MMP26: variants seen among roughly 807,000 people sequenced by gnomAD.
MMP26 encodes matrix metallopeptidase 26.
MMP26 carries 33 observed loss-of-function variants against 31.0 expected under a neutral mutation model. That is an observed-to-expected ratio of 1.06 (90% CI 0.81 to 1.42). The LOEUF (loss-of-function observed/expected upper bound fraction) is 1.42, where lower values mean the gene tolerates loss of function less well. Among genes scored for constraint, MMP26 ranks in the 40% most tolerant of loss-of-function variants. MMP26 has a pLI of 0.00. For synonymous variants in MMP26, 122 were observed against 114.9 expected, an observed-to-expected ratio of 1.06 and a Z score of -0.40; for missense variants, 347 against 316.1, an observed-to-expected ratio of 1.10 and a Z score of -0.74.
At chr11:4,934,249 CTT>C (rs1851397843) in intron 2 of MMP26, among the ~76,000 whole-genome samples, 2 of 150,574 alleles carry the variant, frequency 1.3e-5, no homozygotes, top group South Asian at 4.2e-4. Flanking sequence ...TTTCCTGACT[CTT>C]TAATGATTGC....
At chr11:4,818,096 C>T (rs1833885811) in intron 2 of MMP26, among the ~76,000 whole-genome samples, 1 of 152,176 alleles carries the variant, frequency 6.6e-6, no homozygotes, top group Non-Finnish European at 1.5e-5. Context: ...CTCAGAGTGA[C>T]AGGCTTAGAC....
At chr11:4,712,896 TC>T (rs1847880223) in intron 1 of MMP26, among the ~76,000 whole-genome samples, 1 of 152,098 alleles carries the variant, frequency 6.6e-6, no homozygotes, top group Non-Finnish European at 1.5e-5. Context: ...AATACTATGG[TC>T]TATACATTTT....
In MMP26 at chr11:4,946,211, G is replaced by A. The variant is rs1173193869; in HGVS notation, c.-144-41857G>A. On this transcript the variant is annotated intron_variant, in intron 2 of 7. Coordinates refer to ENST00000380390, the MANE Select transcript of MMP26 (RefSeq NM_021801.5). Reference sequence around the variant, plus strand: ...TACAACTCTCACTCTAATCTGTTTAGTTTTTACACAATAAACAATTGGGTT... The same window carrying A: ...TACAACTCTCACTCTAATCTGTTTAATTTTTACACAATAAACAATTGGGTT... 1.9e-6 allele frequency: 3 copies of A among 1,613,852 alleles called. No homozygotes were observed. In the African/African-American group the frequency reaches 4.0e-5, roughly 22 times the overall value.
chr11:4,757,118 A>G (rs995597020), intron 1 of MMP26, among the ~76,000 whole-genome samples: 1 of 152,166 alleles, frequency 6.6e-6, no homozygotes, highest in African/African-American at 2.4e-5. Context: ...GACACATAGC[A>G]TGAGGACAGT....
At chr11:4,973,962 G>C (rs1040265406) in intron 2 of MMP26, 1 of 151,948 alleles carries the variant, frequency 6.6e-6, no homozygotes, top group African/African-American at 2.4e-5. Flanking sequence ...TCAAATGCCT[G>C]GCTCTATCCT....
At position 4,992,001 on chromosome 11, in the gene MMP26, G is replaced by A; in HGVS notation, c.633G>A (p.Gly211=). ...NLFLVATHEI[G]HSLGLQHSGN... ...TCCTGGTTGCAACTCATGAGATTGG[G>A]CATTCTTTGGGCCTGCAGCACTCTG... Residue 211 remains glycine, a synonymous_variant, in exon 7 of 8, where the codon GGG becomes GGA. Transcript: ENST00000380390. 2 of 1,609,932 alleles carry A rather than the reference G, an allele frequency of 1.2e-6. No individual in the cohort carries two copies. The highest frequency in any genetic ancestry group is 1.7e-4 in the Middle Eastern group (1 of 6,040).
chr11:4,826,264 T>A (rs972312440), intron 2 of MMP26, among the ~76,000 whole-genome samples: 1 of 152,108 alleles, frequency 6.6e-6, no homozygotes, highest in African/African-American at 2.4e-5. Context: ...AAGACTGTTC[T>A]TTCTAGGAGT....
chr11:4,989,733 A>G lies in MMP26; in HGVS notation c.185A>G (p.His62Arg). The G allele has an allele frequency of 6.2e-7, 1 of 1,613,970 alleles. No homozygotes were observed. The highest frequency in any genetic ancestry group is 1.1e-5 in the South Asian group (1 of 91,076). The change falls in exon 4 of 8, where the codon CAT becomes CGT. Residue 62 changes from histidine to arginine, a missense_variant. Transcript: ENST00000380390. ...ETQTQLLQQF[H>R]RNGTDLLDMQ... Reference sequence around the variant, plus strand: ...CAAACACAGCTCCTGCAACAATTCCATCGGAATGGGACAGACCTACTTGAC... The same window carrying G: ...CAAACACAGCTCCTGCAACAATTCCGTCGGAATGGGACAGACCTACTTGAC...
At chr11:4,766,579 T>C (rs1318943002) in intron 1 of MMP26, among the ~76,000 whole-genome samples, 1 of 151,926 alleles carries the variant, frequency 6.6e-6, no homozygotes, top group Non-Finnish European at 1.5e-5. Flanking sequence ...GTTGCTACAA[T>C]AAAAAGTGAT....
At chr11:4,914,867 A>G in intron 2 of MMP26, 2 of 1,614,134 alleles carry the variant, frequency 1.2e-6, no homozygotes, top group Non-Finnish European at 1.7e-6. Flanking sequence ...AAAGCGATGG[A>G]TGACAGAGAG....
At chr11:4,816,532 TTA>T (rs1449210434) in intron 2 of MMP26, among the ~76,000 whole-genome samples, 1 of 151,946 alleles carries the variant, frequency 6.6e-6, no homozygotes. Context: ...AAGCTTTTCT[TTA>T]TCCTGCTATC....
chr11:4,761,082 G>A (rs1848564401), intron 1 of MMP26, among the ~76,000 whole-genome samples: 1 of 152,176 alleles, frequency 6.6e-6, no homozygotes, highest in African/African-American at 2.4e-5. Flanking sequence ...AGGGCTTAGA[G>A]GTCAGGGACC....
At chr11:4,754,797 C>G (rs1326676810) in intron 1 of MMP26, among the ~76,000 whole-genome samples, 1 of 151,816 alleles carries the variant, frequency 6.6e-6, no homozygotes, top group South Asian at 2.1e-4. Flanking sequence ...AGCTTTTATC[C>G]TCTTTTCAGA....
chr11:4,723,082 C>T (rs1038985748), intron 1 of MMP26: 19 of 1,357,720 alleles, frequency 1.4e-5, no homozygotes, highest in Admixed American at 3.4e-5. Context: ...GCAGCTGTCA[C>T]GGCATGTTCT....
chr11:4,878,659 T>C (rs888964685), intron 2 of MMP26, among the ~76,000 whole-genome samples: 1 of 152,168 alleles, frequency 6.6e-6, no homozygotes, highest in Non-Finnish European at 1.5e-5. Context: ...ACTTAATATA[T>C]ATTTTTGAAT....
At chr11:4,926,765 GA>G (rs201760056) in intron 2 of MMP26, among the ~76,000 whole-genome samples, 18 of 151,652 alleles carry the variant, frequency 1.2e-4, no homozygotes, top group Non-Finnish European at 1.5e-4. Flanking sequence ...AAGGTATGAG[GA>G]AAAAAAATAA....
chr11:4,972,107 T>C (rs1228132943), intron 2 of MMP26, among the ~76,000 whole-genome samples: 1 of 152,144 alleles, frequency 6.6e-6, no homozygotes, highest in Non-Finnish European at 1.5e-5. Flanking sequence ...CAAGCCAGAA[T>C]TATCACATAT....
At chr11:4,777,659 C>A (rs1197882576) in intron 2 of MMP26, among the ~76,000 whole-genome samples, 1 of 152,140 alleles carries the variant, frequency 6.6e-6, no homozygotes, top group Non-Finnish European at 1.5e-5. Flanking sequence ...CTCCTCACTT[C>A]TATCCAAATA....
intron 2 of MMP26, among the ~76,000 whole-genome samples, chr11:4,927,746 A>G (rs1435396423): frequency 1.3e-5 from 2 of 152,140 alleles, no homozygotes; most frequent in Non-Finnish European, 2.9e-5. Flanking sequence ...GTCTTTTTGA[A>G]GAGCCCAAAA....
Sources: gnomAD v4.1 joint callset for allele counts (sites outside exome capture counted in the v4.1 genomes callset) on GRCh38, gnomAD v4.1.1 for gene constraint, MANE v1.5 for transcripts, NCBI Gene and HGNC (gene_info 2026-07-23, HGNC 2026-07-21) for gene names.